The following RYR2 variants were observed in gnomAD, a reference collection of about 807,000 sequenced individuals.
RYR2 encodes the protein cardiac muscle ryanodine receptor-calcium release channel.
Under a neutral mutation model 601.1 loss-of-function variants are expected in RYR2, and 227 were observed. That is an observed-to-expected ratio of 0.38 (90% CI 0.34 to 0.42). The LOEUF is 0.42. Ranked by LOEUF, RYR2 falls within the 10% of genes least tolerant of loss-of-function variation. The pLI is 1.00. For missense variants in RYR2, 4,646 were observed against 6,156.5 expected, an observed-to-expected ratio of 0.75 and a Z score of 8.21; for synonymous variants, 2,223 against 2,175.1, an observed-to-expected ratio of 1.02 and a Z score of -0.61.
chr1:237,733,231 A>G (rs1690847223), intron 78 of RYR2, among the ~76,000 whole-genome samples: 1 of 152,216 alleles, frequency 6.6e-6, no homozygotes, highest in Non-Finnish European at 1.5e-5. Context: ...ATGCTTCTCA[A>G]AAAGAAGATA....
chr1:237,171,245 A>AC (rs907477190), intron 1 of RYR2, among the ~76,000 whole-genome samples: 2 of 151,874 alleles, frequency 1.3e-5, no homozygotes, highest in African/African-American at 4.8e-5. Context: ...AAAAAAAAAA[A>AC]AATAGATTCT....
At chr1:237,104,400 C>A (rs1356833365) in intron 1 of RYR2, among the ~76,000 whole-genome samples, 1 of 152,208 alleles carries the variant, frequency 6.6e-6, no homozygotes, top group African/African-American at 2.4e-5. Flanking sequence ...CCCTCACCCG[C>A]TGCTGTCCCC....
At chr1:237,410,026 T>C (rs1272546929) in intron 10 of RYR2, among the ~76,000 whole-genome samples, 1 of 152,164 alleles carries the variant, frequency 6.6e-6, no homozygotes, top group Non-Finnish European at 1.5e-5. Flanking sequence ...AAAATAGGAC[T>C]CTGAATAGTT....
intron 1 of RYR2, among the ~76,000 whole-genome samples, chr1:237,233,373 C>T (rs1685194428): frequency 6.6e-6 from 1 of 152,126 alleles, no homozygotes; most frequent in Admixed American, 6.6e-5. Flanking sequence ...ACAAGCTCAG[C>T]TACATCAGTT....
At chr1:237,471,922 C>T (rs558524156) in intron 17 of RYR2, among the ~76,000 whole-genome samples, 1 of 152,274 alleles carries the variant, frequency 6.6e-6, no homozygotes, top group Middle Eastern at 3.4e-3. Context: ...AGGCAAAGAA[C>T]ATTTAAATGA....
chr1:237,546,232 A>G (rs192518755), intron 25 of RYR2, among the ~76,000 whole-genome samples: 50 of 152,338 alleles, frequency 3.3e-4, no homozygotes, highest in Non-Finnish European at 5.6e-4. Context: ...TTTAATGTCC[A>G]TAAATTTAAC....
At chr1:237,587,045 TA>T (rs1476926835) in intron 29 of RYR2, among the ~76,000 whole-genome samples, 1 of 152,192 alleles carries the variant, frequency 6.6e-6, no homozygotes, top group Non-Finnish European at 1.5e-5. Flanking sequence ...CTTTGTATGT[TA>T]TTAGACCACG....
intron 1 of RYR2, among the ~76,000 whole-genome samples, chr1:237,065,813 G>T (rs572267712): frequency 3.9e-5 from 6 of 152,206 alleles, no homozygotes; most frequent in Non-Finnish European, 8.8e-5. Context: ...GACAGTTTCT[G>T]GGGAGGTCTC....
intron 12 of RYR2, among the ~76,000 whole-genome samples, chr1:237,427,223 G>C (rs926143916): frequency 3.3e-5 from 5 of 152,082 alleles, no homozygotes; most frequent in Admixed American, 3.3e-4. Flanking sequence ...ACAGATGCAG[G>C]CATGCAGACA....
chr1:237,825,681 T>C (rs941017637), intron 101 of RYR2, among the ~76,000 whole-genome samples: 48 of 152,274 alleles, frequency 3.2e-4, no homozygotes, highest in African/African-American at 1.1e-3. Flanking sequence ...CTAATTAAAC[T>C]AAAGAGCTTC....
At chr1:237,664,255 G>A (rs1684077676) in intron 56 of RYR2, among the ~76,000 whole-genome samples, 1 of 152,158 alleles carries the variant, frequency 6.6e-6, no homozygotes, top group Admixed American at 6.5e-5. Context: ...TAGAGGAATG[G>A]TGCATTCATT....
chr1:237,350,175 G>C (rs1571926607), intron 3 of RYR2, among the ~76,000 whole-genome samples: 2 of 152,220 alleles, frequency 1.3e-5, no homozygotes, highest in South Asian at 2.1e-4. Flanking sequence ...CTGCTCACCA[G>C]AGATATACTT....
intron 1 of RYR2, among the ~76,000 whole-genome samples, chr1:237,112,774 T>C (rs1271864554): frequency 6.6e-6 from 1 of 152,154 alleles, no homozygotes; most frequent in African/African-American, 2.4e-5. Flanking sequence ...GGAATGGGGA[T>C]CATGATTCTT....
At chr1:237,085,539 A>G (rs374551173) in intron 1 of RYR2, among the ~76,000 whole-genome samples, 37 of 152,354 alleles carry the variant, frequency 2.4e-4, no homozygotes, top group African/African-American at 8.4e-4. Context: ...CCACAAGGGT[A>G]TACAACAGCT....
intron 27 of RYR2, among the ~76,000 whole-genome samples, chr1:237,560,634 C>A (rs1208072323): frequency 2.0e-5 from 3 of 152,172 alleles, no homozygotes; most frequent in African/African-American, 7.2e-5. Context: ...ACATTTTTAT[C>A]AAATAAACAC....
At chr1:237,295,587 C>A (rs1279896971) in intron 2 of RYR2, among the ~76,000 whole-genome samples, 2 of 152,096 alleles carry the variant, frequency 1.3e-5, no homozygotes, top group South Asian at 4.1e-4. Context: ...ATAATTAACT[C>A]TATGTAGGAT....
intron 11 of RYR2, among the ~76,000 whole-genome samples, chr1:237,418,128 C>T (rs1231733624): frequency 1.3e-5 from 2 of 152,008 alleles, no homozygotes; most frequent in Non-Finnish European, 2.9e-5. Context: ...CTGCAAGCTC[C>T]ACCTCCCGGG....
chr1:237,666,755 A>T (rs1337926883), intron 57 of RYR2, among the ~76,000 whole-genome samples, 166 bp downstream of exon 57: 1 of 152,064 alleles, frequency 6.6e-6, no homozygotes, highest in Non-Finnish European at 1.5e-5. Context: ...AATGCTATCA[A>T]AATTGATAGC....
intron 1 of RYR2, among the ~76,000 whole-genome samples, chr1:237,257,277 C>T (rs1221980632): frequency 1.3e-5 from 2 of 152,168 alleles, no homozygotes; most frequent in Non-Finnish European, 2.9e-5. Context: ...TCTTTCTGCT[C>T]ATCTGTAGGG....
Sources: gnomAD v4.1 joint callset for allele counts (sites outside exome capture counted in the v4.1 genomes callset) on GRCh38, gnomAD v4.1.1 for gene constraint, MANE v1.5 for transcripts, NCBI Gene and HGNC (gene_info 2026-07-23, HGNC 2026-07-21) for gene names.